FAT3: variants seen among roughly 807,000 people sequenced by gnomAD.
FAT3 encodes FAT atypical cadherin 3, also known as protocadherin Fat 3.
Under a neutral mutation model 310.2 loss-of-function variants are expected in FAT3, and 95 were observed. The ratio of observed to expected loss-of-function variants is 0.31; its 90% CI spans 0.26 to 0.36. FAT3 has a LOEUF of 0.36. Among genes scored for constraint, FAT3 ranks in the 10% least tolerant of loss-of-function variants. The probability of loss-of-function intolerance (pLI) is 1.00; values close to 1 mark genes in which losing one functional copy is unlikely to be tolerated. For missense variants in FAT3, 5,408 were observed against 5,715.6 expected (o/e 0.95, Z 1.74); for synonymous variants, 2,314 against 2,192.9 (o/e 1.06, Z -1.54).
intron 3 of FAT3, among the ~76,000 whole-genome samples, chr11:92,639,414 G>A (rs1258919589): frequency 6.6e-6 from 1 of 152,134 alleles, no homozygotes; most frequent in South Asian, 2.1e-4. Context: ...GCATCACAGA[G>A]TCCTGTAGTT....
chr11:92,565,811 A>C (rs1955415786), intron 3 of FAT3, among the ~76,000 whole-genome samples: 1 of 152,352 alleles, frequency 6.6e-6, no homozygotes, highest in South Asian at 2.1e-4. Context: ...ATAGATGCAG[A>C]AAAGGCCTTT....
intron 1 of FAT3, among the ~76,000 whole-genome samples, chr11:92,346,348 G>A (rs986458467): frequency 6.6e-6 from 1 of 152,120 alleles, no homozygotes; most frequent in Admixed American, 6.5e-5. Flanking sequence ...CCCTAACGCA[G>A]CTGTAGCTTT....
At chr11:92,836,473 G>C in intron 15 of FAT3, 93 bp from the exon 16 acceptor site, 1 of 1,445,428 alleles carries the variant, frequency 6.9e-7, no homozygotes, top group Non-Finnish European at 9.3e-7. Context: ...AACTGTCACA[G>C]CTGCACCCAT....
intron 4 of FAT3, among the ~76,000 whole-genome samples, chr11:92,706,316 A>G (rs1326672193): frequency 6.6e-6 from 1 of 152,134 alleles, no homozygotes; most frequent in Non-Finnish European, 1.5e-5. Context: ...CAGAGCAAAT[A>G]TTAATTCTCA....
At chr11:92,365,409 G>T (rs190655734) in intron 2 of FAT3, among the ~76,000 whole-genome samples, 9,954 of 152,144 alleles carry the variant, frequency 0.065, 1,078 homozygotes, top group African/African-American at 0.22. Context: ...TCATTTTTAT[G>T]ATTTTTTCTT....
chr11:92,464,469 C>T (rs1951711569), intron 2 of FAT3, among the ~76,000 whole-genome samples: 1 of 152,148 alleles, frequency 6.6e-6, no homozygotes, highest in Admixed American at 6.6e-5. Context: ...TGGGGCTTCC[C>T]CAGACCCACA....
At chr11:92,426,294 G>A (rs1473829063) in intron 2 of FAT3, among the ~76,000 whole-genome samples, 1 of 152,058 alleles carries the variant, frequency 6.6e-6, no homozygotes, top group Non-Finnish European at 1.5e-5. Flanking sequence ...TTTGTCAGAT[G>A]GATAGATTGC....
chr11:92,286,595 C>T (rs1946567439), intron 1 of FAT3, among the ~76,000 whole-genome samples: 1 of 152,142 alleles, frequency 6.6e-6, no homozygotes, highest in South Asian at 2.1e-4. Context: ...AACTAGTTCA[C>T]TTAGAAAAGC....
intron 2 of FAT3, among the ~76,000 whole-genome samples, chr11:92,462,743 A>C (rs749440341): frequency 6.6e-6 from 1 of 152,208 alleles, no homozygotes; most frequent in African/African-American, 2.4e-5. Context: ...TTCCATTTCA[A>C]CAACTTGTTC....
chr11:92,464,137 C>A (rs1016206433), intron 2 of FAT3, among the ~76,000 whole-genome samples: 2 of 152,146 alleles, frequency 1.3e-5, no homozygotes, highest in African/African-American at 4.8e-5. Context: ...TCAAGAATAA[C>A]ACCTAATGGT....
At chr11:92,411,653 C>T (rs796993824) in intron 2 of FAT3, among the ~76,000 whole-genome samples, 1 of 152,036 alleles carries the variant, frequency 6.6e-6, no homozygotes, top group African/African-American at 2.4e-5. Flanking sequence ...TGGGAGGGGC[C>T]GACAGAATAG....
intron 3 of FAT3, among the ~76,000 whole-genome samples, chr11:92,570,058 A>G (rs970955917): frequency 6.6e-6 from 1 of 152,210 alleles, no homozygotes; most frequent in Non-Finnish European, 1.5e-5. Flanking sequence ...AACTGAGGTC[A>G]GTGTTTATTT....
chr11:92,563,639 T>C (rs904199066), intron 3 of FAT3, among the ~76,000 whole-genome samples: 28 of 152,086 alleles, frequency 1.8e-4, no homozygotes, highest in Admixed American at 1.6e-3. Context: ...GAAACCCAGC[T>C]TAAAATTCAT....
At chr11:92,383,653 T>C (rs564216083) in intron 2 of FAT3, among the ~76,000 whole-genome samples, 2 of 152,324 alleles carry the variant, frequency 1.3e-5, no homozygotes, top group South Asian at 4.1e-4. Context: ...AATACTGAAA[T>C]TCAATCCGTT....
rs79427805 is a variant in FAT3, at chr11:92,621,840, C to T, written c.3608-75544C>T. ...TGAATATTCACAGTGTTGTTTTTCA[C>T]GCCACGATCAGCGGAGCCCTTTATC... On this transcript the variant is annotated intron_variant, in intron 3 of 27. Coordinates refer to ENST00000525166, the MANE Select transcript of FAT3 (RefSeq NM_001367949.2). 9.8e-3 allele frequency among the ~76,000 whole-genome samples: 1,497 copies of T among 152,254 alleles called. 35 individuals carry two copies. Among genetic ancestry groups the T allele is most frequent in the African/African-American group, 0.033 (1,387 of 41,542 alleles).
intron 3 of FAT3, among the ~76,000 whole-genome samples, chr11:92,588,111 C>T (rs1939243300): frequency 1.3e-5 from 2 of 151,980 alleles, no homozygotes; most frequent in African/African-American, 4.8e-5. Flanking sequence ...GTCTAAGGAT[C>T]TCCAAGTTCT....
chr11:92,355,210 A>T lies in FAT3; in HGVS notation c.3098A>T (p.Asp1033Val). The change falls in exon 2 of 28, where the codon GAT (aspartate) becomes GTT (valine). Residue 1033 changes from aspartate to valine, a missense_variant. By Grantham distance (152) the Asp-to-Val change is radical (BLOSUM62 -3). Coordinates refer to ENST00000525166, the MANE Select transcript of FAT3 (RefSeq NM_001367949.2). ...SVSFVEVEVV[D>V]VNENLHTPYF... Reference sequence around the variant, plus strand: ...TCCTTTGTTGAGGTGGAAGTGGTGGATGTCAATGAAAACCTCCACACTCCC... The same window carrying T: ...TCCTTTGTTGAGGTGGAAGTGGTGGTTGTCAATGAAAACCTCCACACTCCC... 6.2e-7 allele frequency: 1 copy of T among 1,613,794 alleles called. No individual in the cohort carries two copies. Among genetic ancestry groups the T allele is most frequent in the Non-Finnish European group, 8.5e-7 (1 of 1,179,850 alleles).
At chr11:92,230,126 CTG>C (rs895832350) in intron 1 of FAT3, among the ~76,000 whole-genome samples, 45 of 152,234 alleles carry the variant, frequency 3.0e-4, no homozygotes, top group African/African-American at 1.0e-3. Flanking sequence ...GGTTCCAAAA[CTG>C]TGAATTATAG....
chr11:92,891,392 A>G lies in FAT3; in HGVS notation c.*279A>G. The G allele has an allele frequency of 4.3e-6, 2 of 463,862 alleles. No individual in the cohort carries two copies. Among genetic ancestry groups the G allele is most frequent in the Admixed American group, 3.4e-5 (1 of 29,568 alleles). 28.7% of individuals were successfully genotyped at this position (463,862 alleles called of 1,614,324 possible). ...AATGCAAAGAGGGAAAAATTATTTC[A>G]CCCACTAAGTTATACAGCCAGTCTT... On this transcript the variant is annotated 3_prime_UTR_variant, in exon 28 of 28. Coordinates refer to ENST00000525166, the MANE Select transcript of FAT3 (RefSeq NM_001367949.2).
Sources: allele counts gnomAD v4.1 joint callset (sites outside exome capture counted in the v4.1 genomes callset), GRCh38; gene constraint gnomAD v4.1.1; transcripts MANE v1.5; gene names NCBI Gene and HGNC (gene_info 2026-07-23, HGNC 2026-07-21).